Variants in SLIT3 observed in about 807,000 individuals in gnomAD.
SLIT3 encodes the protein slit homolog 3 protein.
A neutral mutation model predicts 184.0 loss-of-function variants in SLIT3; 68 were observed. The ratio of observed to expected loss-of-function variants is 0.37; its 90% CI spans 0.30 to 0.45. SLIT3 has a LOEUF of 0.45. Among genes scored for constraint, SLIT3 ranks in the 20% least tolerant of loss-of-function variants. The pLI, the probability that SLIT3 is intolerant of heterozygous loss-of-function variation, is 1.00. For missense variants in SLIT3, 1,707 were observed against 2,026.0 expected, an observed-to-expected ratio of 0.84 and a Z score of 3.02; for synonymous variants, 831 against 828.6, an observed-to-expected ratio of 1.00 and a Z score of -0.05.
intron 1 of SLIT3, among the ~76,000 whole-genome samples, chr5:169,252,401 G>T (rs1765808436): frequency 6.6e-6 from 1 of 152,212 alleles, no homozygotes; most frequent in Non-Finnish European, 1.5e-5. Flanking sequence ...AGTGGTGGCG[G>T]TGATATTGAA....
At chr5:168,810,699 C>T in intron 8 of SLIT3, among the ~76,000 whole-genome samples, 1 of 152,176 alleles carries the variant, frequency 6.6e-6, no homozygotes, top group East Asian at 1.9e-4. Context: ...AATTCCTAAC[C>T]TTCAGATGTC....
At chr5:168,982,414 G>A (rs957168183) in intron 4 of SLIT3, among the ~76,000 whole-genome samples, 6 of 152,154 alleles carry the variant, frequency 3.9e-5, no homozygotes, top group Non-Finnish European at 5.9e-5. Flanking sequence ...ACAACAAGAA[G>A]GTTCTCACCA....
intron 4 of SLIT3, among the ~76,000 whole-genome samples, chr5:169,098,553 C>G (rs950291480): frequency 6.6e-6 from 1 of 152,208 alleles, no homozygotes; most frequent in African/African-American, 2.4e-5. Flanking sequence ...GTGTTCACAG[C>G]TCTGACAATT....
chr5:169,029,728 T>C (rs1756954703), intron 4 of SLIT3, among the ~76,000 whole-genome samples: 2 of 152,188 alleles, frequency 1.3e-5, no homozygotes, highest in Admixed American at 6.5e-5. Flanking sequence ...TCAGTTACAA[T>C]GACACATTCA....
chr5:169,013,107 C>T (rs1472265392), intron 4 of SLIT3: 1 of 152,226 alleles, frequency 6.6e-6, no homozygotes, highest in African/African-American at 2.4e-5. Context: ...TTCCATTGAG[C>T]AGAGGTTCTG....
chr5:168,943,704 CTCTA>C (rs1762389543), intron 4 of SLIT3, among the ~76,000 whole-genome samples: 1 of 152,188 alleles, frequency 6.6e-6, no homozygotes, highest in African/African-American at 2.4e-5. Flanking sequence ...CACACACTCT[CTCTA>C]TATGTGCACA....
chr5:169,169,474 A>AG (rs1157424854), intron 4 of SLIT3, among the ~76,000 whole-genome samples: 14 of 152,258 alleles, frequency 9.2e-5, no homozygotes, highest in African/African-American at 3.1e-4. Flanking sequence ...AACATAACTC[A>AG]GGAAAATAAA....
intron 4 of SLIT3, among the ~76,000 whole-genome samples, chr5:169,153,080 T>TC (rs1762174406): frequency 6.6e-6 from 1 of 152,206 alleles, no homozygotes; most frequent in Admixed American, 6.5e-5. Flanking sequence ...AGTTCACATT[T>TC]CCCATAGTGT....
intron 25 of SLIT3, chr5:168,708,399 A>G (rs879847502): frequency 8.7e-6 from 4 of 461,244 alleles, no homozygotes; most frequent in Non-Finnish European, 1.2e-5. Context: ...ACAATGCACC[A>G]TAATTAGAAA....
chr5:168,904,346 T>C (rs1396251735), intron 4 of SLIT3, among the ~76,000 whole-genome samples: 3 of 152,162 alleles, frequency 2.0e-5, no homozygotes, highest in Admixed American at 1.3e-4. Flanking sequence ...ATAAACCAAA[T>C]AGACTAATTC....
intron 32 of SLIT3, among the ~76,000 whole-genome samples, chr5:168,673,948 C>A (rs922320490): frequency 1.3e-5 from 2 of 152,230 alleles, no homozygotes; most frequent in African/African-American, 4.8e-5. Flanking sequence ...ATTTACTCAA[C>A]ACGCTTGTTC....
At chr5:168,950,283 G>C (rs1029320380) in intron 4 of SLIT3, among the ~76,000 whole-genome samples, 1 of 152,156 alleles carries the variant, frequency 6.6e-6, no homozygotes, top group Non-Finnish European at 1.5e-5. Context: ...CACCAAATCC[G>C]CTGGAGCTTT....
At chr5:169,074,572 A>G (rs546029520) in intron 4 of SLIT3, among the ~76,000 whole-genome samples, 34 of 152,168 alleles carry the variant, frequency 2.2e-4, no homozygotes, top group Non-Finnish European at 3.7e-4. Context: ...TGAGGGAGTA[A>G]AAGCTCGGAG....
intron 4 of SLIT3, among the ~76,000 whole-genome samples, chr5:169,118,397 C>G (rs1172271716): frequency 1.3e-5 from 2 of 152,210 alleles, no homozygotes; most frequent in East Asian, 3.8e-4. Flanking sequence ...CCTAGTGACA[C>G]TGGCTGAAGG....
At chr5:168,879,907 T>C (rs1387203765) in intron 5 of SLIT3, among the ~76,000 whole-genome samples, 3 of 152,264 alleles carry the variant, frequency 2.0e-5, no homozygotes, top group Non-Finnish European at 2.9e-5. Context: ...TACTCCCTGC[T>C]GTTTCCCCCA....
At chr5:169,073,973 C>T (rs565742262) in intron 4 of SLIT3, among the ~76,000 whole-genome samples, 5 of 152,240 alleles carry the variant, frequency 3.3e-5, no homozygotes, top group African/African-American at 1.2e-4. Flanking sequence ...AGGGACACAC[C>T]ATTGATATTT....
chr5:169,179,625 C>T (rs772528557), intron 4 of SLIT3, among the ~76,000 whole-genome samples: 9 of 147,290 alleles, frequency 6.1e-5, no homozygotes, highest in Non-Finnish European at 8.8e-5. Flanking sequence ...AGTATGAAAT[C>T]CTCCTGCCAC....
chr5:168,828,273 G>C (rs1386684575), intron 6 of SLIT3, among the ~76,000 whole-genome samples: 1 of 152,138 alleles, frequency 6.6e-6, no homozygotes, highest in African/African-American at 2.4e-5. Flanking sequence ...CCCTGCTCAA[G>C]AGAGACGACA....
At chr5:168,924,363 A>C (rs1761738709) in intron 4 of SLIT3, among the ~76,000 whole-genome samples, 1 of 152,152 alleles carries the variant, frequency 6.6e-6, no homozygotes. Flanking sequence ...GTTGGGACCC[A>C]GTACCCTCCA....
Sources: allele counts gnomAD v4.1 joint callset (sites outside exome capture counted in the v4.1 genomes callset), GRCh38; gene constraint gnomAD v4.1.1; transcripts MANE v1.5; gene names NCBI Gene and HGNC (gene_info 2026-07-23, HGNC 2026-07-21).